The following DNAH14 variants were observed in gnomAD, a reference collection of about 807,000 sequenced individuals.
The protein encoded by DNAH14 is axonemal beta dynein heavy chain 14.
DNAH14 carries 478 observed loss-of-function variants against 520.9 expected under a neutral mutation model. The observed-to-expected ratio is 0.92, with a 90% CI of 0.85 to 0.99. The LOEUF (loss-of-function observed/expected upper bound fraction) is 0.99. DNAH14 is among the 50% of genes least tolerant of loss of function. The pLI, the probability that DNAH14 is intolerant of heterozygous loss-of-function variation, is 0.00. For synonymous variants in DNAH14, 1,581 were observed against 1,757.2 expected, an observed-to-expected ratio of 0.90 and a Z score of 2.51; for missense variants, 4,831 against 5,234.5, an observed-to-expected ratio of 0.92 and a Z score of 2.38.
intron 43 of DNAH14, among the ~76,000 whole-genome samples, chr1:225,248,734 A>G (rs927872266): frequency 1.3e-5 from 2 of 152,188 alleles, no homozygotes; most frequent in East Asian, 1.9e-4. Flanking sequence ...TTGAGGAAGG[A>G]TCTGCAATGA....
intron 23 of DNAH14, among the ~76,000 whole-genome samples, chr1:225,102,145 GT>G (rs1326438888): frequency 6.7e-6 from 1 of 149,818 alleles, no homozygotes; most frequent in Non-Finnish European, 1.5e-5. Context: ...GCGGTGTTTG[GT>G]TTTTTCTCCT....
intron 10 of DNAH14, among the ~76,000 whole-genome samples, chr1:225,010,524 G>A (rs142427300): frequency 8.2e-4 from 125 of 152,088 alleles, no homozygotes; most frequent in East Asian, 4.5e-3. Context: ...TTTTTGCATC[G>A]ATGTTCATCA....
intron 64 of DNAH14, among the ~76,000 whole-genome samples, chr1:225,327,489 G>A (rs982398073): frequency 2.6e-5 from 4 of 152,008 alleles, no homozygotes; most frequent in Non-Finnish European, 5.9e-5. Flanking sequence ...CAGCCAGTGG[G>A]TCACAGAAGA....
At chr1:224,974,716 C>T (rs1462801713) in intron 8 of DNAH14, among the ~76,000 whole-genome samples, 2 of 152,074 alleles carry the variant, frequency 1.3e-5, no homozygotes, top group Non-Finnish European at 2.9e-5. Flanking sequence ...TAGCTATATC[C>T]ACCTTCCTCT....
intron 68 of DNAH14, among the ~76,000 whole-genome samples, chr1:225,338,971 G>A (rs1001971880): frequency 2.0e-5 from 3 of 152,102 alleles, no homozygotes; most frequent in South Asian, 2.1e-4. Flanking sequence ...CAGGGCTGCA[G>A]AGTCTCTCAT....
intron 17 of DNAH14, among the ~76,000 whole-genome samples, chr1:225,064,909 T>C (rs980703802): frequency 2.6e-5 from 4 of 151,978 alleles, no homozygotes; most frequent in Non-Finnish European, 5.9e-5. Flanking sequence ...TATATACAAA[T>C]TATGTTTCAG....
intron 17 of DNAH14, among the ~76,000 whole-genome samples, chr1:225,077,339 A>G (rs1221186927): frequency 6.6e-6 from 1 of 152,192 alleles, no homozygotes; most frequent in Non-Finnish European, 1.5e-5. Context: ...AAGTGAAAAT[A>G]GTCTATAATT....
chr1:225,277,553 T>C (rs948013728), intron 54 of DNAH14, 51 bp downstream of exon 54: 17 of 461,266 alleles, frequency 3.7e-5, no homozygotes, highest in Non-Finnish European at 7.2e-5. Context: ...ATAAAATAAA[T>C]CCCAATAAAA....
chr1:225,348,964 A>G (rs909783695), intron 71 of DNAH14, among the ~76,000 whole-genome samples: 1 of 152,110 alleles, frequency 6.6e-6, no homozygotes, highest in African/African-American at 2.4e-5. Context: ...CTAAAGCCCT[A>G]AATTAGTAGA....
chr1:225,176,505 A>G (rs890484205), intron 36 of DNAH14, among the ~76,000 whole-genome samples: 2 of 148,570 alleles, frequency 1.3e-5, no homozygotes. Context: ...TTTTCTGTCT[A>G]TATGAGTTAT....
At chr1:224,952,032 A>G (rs2060212235) in intron 1 of DNAH14, among the ~76,000 whole-genome samples, 1 of 152,184 alleles carries the variant, frequency 6.6e-6, no homozygotes. Flanking sequence ...TGCCAGCTAA[A>G]ACTTTTTCTA....
At chr1:225,318,993 A>C (rs1348378943) in intron 61 of DNAH14, among the ~76,000 whole-genome samples, 2 of 152,188 alleles carry the variant, frequency 1.3e-5, no homozygotes, top group Non-Finnish European at 2.9e-5. Flanking sequence ...TTGATGTAAA[A>C]ATGTGCATCT....
intron 12 of DNAH14, among the ~76,000 whole-genome samples, chr1:225,042,166 G>T (rs1366979246): frequency 6.6e-6 from 1 of 152,194 alleles, no homozygotes; most frequent in African/African-American, 2.4e-5. Flanking sequence ...TAGAGGTTAA[G>T]GTTCCAGCAG....
chr1:225,156,355 C>T (rs1028473815), intron 34 of DNAH14, among the ~76,000 whole-genome samples: 1 of 152,110 alleles, frequency 6.6e-6, no homozygotes. Context: ...GTCTGACATC[C>T]AGGTTGTGGG....
At chr1:225,090,853 TAG>T (rs2074318268) in intron 21 of DNAH14, among the ~76,000 whole-genome samples, 1 of 152,144 alleles carries the variant, frequency 6.6e-6, no homozygotes, top group South Asian at 2.1e-4. Flanking sequence ...GCACTATCCA[TAG>T]AAGGAAAATT....
Position 225,161,882 on chromosome 1 carries a change from G to A in DNAH14, c.5445+2397G>A, listed in dbSNP as rs557222239. Among the ~76,000 whole-genome samples the A allele has an allele frequency of 4.6e-5, 7 of 152,252 alleles. No homozygotes were observed. The East Asian group carries it at 9.6e-4, about 21-fold the overall frequency. On this transcript the variant is annotated intron_variant, in intron 35 of 85. Transcript: ENST00000682510. The stretch of plus-strand genomic sequence containing the variant: ...GATTTGCTCCTATAGAATTGTTTGA[G>A]CTCCTTATATATTCTGGTTACTAAT...
At chr1:225,207,904 T>C (rs1340636589) in intron 41 of DNAH14, among the ~76,000 whole-genome samples, 1 of 152,094 alleles carries the variant, frequency 6.6e-6, no homozygotes, top group Non-Finnish European at 1.5e-5. Flanking sequence ...AATATTTAGG[T>C]GTGTACTTTC....
At chr1:225,344,581 C>T (rs1204479278) in intron 69 of DNAH14, among the ~76,000 whole-genome samples, 2 of 152,092 alleles carry the variant, frequency 1.3e-5, no homozygotes, top group South Asian at 2.1e-4. Context: ...ATGACTGCAT[C>T]GTATTCCATG....
chr1:225,114,005 G>T (rs1218553450), intron 23 of DNAH14, among the ~76,000 whole-genome samples: 2 of 152,272 alleles, frequency 1.3e-5, no homozygotes, highest in South Asian at 4.1e-4. Context: ...AAGCTGTAAG[G>T]CAAAGTCCAC....
Sources: allele counts gnomAD v4.1 joint callset (sites outside exome capture counted in the v4.1 genomes callset), GRCh38; gene constraint gnomAD v4.1.1; transcripts MANE v1.5; gene names NCBI Gene and HGNC (gene_info 2026-07-23, HGNC 2026-07-21).